Variants in LRP2 observed in about 807,000 individuals in gnomAD.
LRP2 encodes the protein LDL receptor related protein 2.
A neutral mutation model predicts 531.0 loss-of-function variants in LRP2; 172 were observed. The ratio of observed to expected loss-of-function variants is 0.32; its 90% CI spans 0.29 to 0.37. LRP2 has a LOEUF of 0.37. Ranked by LOEUF, LRP2 falls within the 10% of genes least tolerant of loss-of-function variation. The probability of loss-of-function intolerance (pLI) is 1.00; values close to 1 mark genes in which losing one functional copy is unlikely to be tolerated. For missense variants in LRP2, 5,167 were observed against 5,868.3 expected, an observed-to-expected ratio of 0.88 and a Z score of 3.90; for synonymous variants, 1,992 against 2,027.6, an observed-to-expected ratio of 0.98 and a Z score of 0.47.
chr2:169,131,014 T>C lies in LRP2; in HGVS notation c.13728+1560A>G, dbSNP rs572945000. On this transcript the variant is annotated intron_variant, in intron 77 of 78. Transcript: ENST00000649046. The stretch of plus-strand genomic sequence containing the variant: ...ATGTCTATTTAGTGAAGAAGATCAC[T>C]AGACTAGAGATGGACTGAGAAAAAA... Among the ~76,000 whole-genome samples, 44 of 152,304 alleles carry C rather than the reference T, an allele frequency of 2.9e-4. 1 individual carries two copies. The highest frequency in any genetic ancestry group is 1.4e-3 in the East Asian group (7 of 5,184).
At chr2:169,351,495 A>G (rs1484089952) in intron 1 of LRP2, among the ~76,000 whole-genome samples, 2 of 152,230 alleles carry the variant, frequency 1.3e-5, no homozygotes, top group Non-Finnish European at 2.9e-5. Flanking sequence ...ATTCTTCCAG[A>G]GTAATAGGAG....
At chr2:169,260,264 G>C (rs1188493617) in intron 16 of LRP2, among the ~76,000 whole-genome samples, 1 of 152,136 alleles carries the variant, frequency 6.6e-6, no homozygotes, top group African/African-American at 2.4e-5. Flanking sequence ...GAGATGGAGA[G>C]ATGCATAGGA....
chr2:169,134,494 T>G (rs1025591192), intron 76 of LRP2, among the ~76,000 whole-genome samples: 1 of 152,178 alleles, frequency 6.6e-6, no homozygotes, highest in African/African-American at 2.4e-5. Flanking sequence ...ATTTCCTTTT[T>G]TCCTGTTCCT....
At chr2:169,242,911 G>A in intron 24 of LRP2, 45 bp downstream of exon 24, 2 of 1,409,790 alleles carry the variant, frequency 1.4e-6, no homozygotes, top group Middle Eastern at 1.8e-4. Context: ...TGGCAAAAAT[G>A]AAATGACCCC....
chr2:169,279,805 T>C (rs1683652534), intron 11 of LRP2, among the ~76,000 whole-genome samples: 1 of 152,182 alleles, frequency 6.6e-6, no homozygotes, highest in Admixed American at 6.5e-5. Flanking sequence ...TCCATAACTC[T>C]TTAAGAGTTT....
chr2:169,157,537 C>G, intron 63 of LRP2, 35 bp from the exon 64 acceptor site: 1 of 1,609,750 alleles, frequency 6.2e-7, no homozygotes, highest in Non-Finnish European at 8.5e-7. Flanking sequence ...CAAACCAGAT[C>G]AGCCACAAAT....
chr2:169,326,353 T>C (rs1402362032), intron 1 of LRP2, among the ~76,000 whole-genome samples: 1 of 151,844 alleles, frequency 6.6e-6, no homozygotes, highest in Non-Finnish European at 1.5e-5. Flanking sequence ...GTGCCTGCGA[T>C]TGCAGGCGCG....
chr2:169,282,840 G>T, intron 10 of LRP2, 33 bp downstream of exon 10: 2 of 1,608,044 alleles, frequency 1.2e-6, no homozygotes, highest in Non-Finnish European at 1.7e-6. Flanking sequence ...TCTGTTCACT[G>T]TTCAGAGACA....
chr2:169,353,913 C>T, intron 1 of LRP2, among the ~76,000 whole-genome samples: 1 of 152,130 alleles, frequency 6.6e-6, no homozygotes, highest in East Asian at 1.9e-4. Flanking sequence ...ATCTCTTCAG[C>T]CTGGGAAGTT....
Position 169,157,381 on chromosome 2 carries a change from G to A in LRP2, c.12009C>T (p.Thr4003=). The change falls in exon 64 of 79, where the codon ACC becomes ACT. Residue 4003 remains threonine, a synonymous_variant. Coordinates refer to ENST00000649046, the MANE Select transcript of LRP2 (RefSeq NM_004525.3). ...AAAAATATACTCTACCTAGACAGGA[G>A]GTTCTGTCAAAAACATTGGTTTCGA... ...AGFETNVFDR[T]SCLDINECEQ... 1 of 1,613,232 alleles carries A rather than the reference G, an allele frequency of 6.2e-7. No individual in the cohort carries two copies. The highest frequency in any genetic ancestry group is 8.5e-7 in the Non-Finnish European group (1 of 1,179,470).
chr2:169,243,094 A>G (rs111266828), intron 23 of LRP2, 22 bp from the exon 24 acceptor site: 5 of 1,550,604 alleles, frequency 3.2e-6, no homozygotes, highest in East Asian at 2.2e-5. Context: ...AGAGAAAAGC[A>G]TTAGAAATTA....
In LRP2 at chr2:169,191,919, T is replaced by C. The variant is rs1687843222; in HGVS notation, c.8945A>G (p.Tyr2982Cys). Reference sequence around the variant, plus strand: ...CCTGGTGCAATTCTGATTCTCATCGTAGCCGTCAGTACAATCCACATCGCC... The same window carrying C: ...CCTGGTGCAATTCTGATTCTCATCGCAGCCGTCAGTACAATCCACATCGCC... ...CDGDVDCTDG[Y>C]DENQNCTRRT... The change falls in exon 48 of 79, where the codon TAC (tyrosine) becomes TGC (cysteine). Residue 2982 changes from tyrosine (Y) to cysteine (C), a missense_variant. This residue lies in a region of LRP2 where 1,129 missense variants were observed against 1,362.7 expected (regional missense o/e 0.83). Coordinates refer to ENST00000649046, the MANE Select transcript of LRP2 (RefSeq NM_004525.3). The C allele has an allele frequency of 1.2e-6, 2 of 1,614,168 alleles. No homozygotes were observed. The highest frequency in any genetic ancestry group is 1.7e-6 in the Non-Finnish European group (2 of 1,179,998).
At chr2:169,338,522 C>T (rs1685483672) in intron 1 of LRP2, among the ~76,000 whole-genome samples, 1 of 152,076 alleles carries the variant, frequency 6.6e-6, no homozygotes, top group Non-Finnish European at 1.5e-5. Context: ...TTATAGAGTG[C>T]TCATTTGGCC....
intron 62 of LRP2, among the ~76,000 whole-genome samples, chr2:169,165,420 C>T (rs1270769736): frequency 1.3e-5 from 2 of 152,174 alleles, no homozygotes; most frequent in Non-Finnish European, 2.9e-5. Flanking sequence ...ACTAATCTAT[C>T]ACTTTTCTCT....
At chr2:169,199,627 G>A (rs1376114749) in intron 44 of LRP2, among the ~76,000 whole-genome samples, 1 of 152,006 alleles carries the variant, frequency 6.6e-6, no homozygotes, top group Non-Finnish European at 1.5e-5. Flanking sequence ...AACAGCAATA[G>A]ATAAAGCTAA....
Position 169,206,933 on chromosome 2 carries a change from T to G in LRP2, c.6787A>C (p.Ile2263Leu). Residue 2263 changes from isoleucine (I) to leucine (L), a missense_variant, in exon 39 of 79, where the codon ATC becomes CTC. Coordinates refer to ENST00000649046, the MANE Select transcript of LRP2 (RefSeq NM_004525.3). ...DSLDIIARIRINGENSEVIRY... is the reference protein window; with the variant it reads ...DSLDIIARIRLNGENSEVIRY... ...ATCACTTCAGAGTTCTCTCCATTGA[T>G]ACGAATCCTTGCAATTATATCTAAA... is the stretch of plus-strand genomic sequence containing the variant. The G allele has an allele frequency of 6.2e-7, 1 of 1,614,212 alleles. No homozygotes were observed. Among genetic ancestry groups the G allele is most frequent in the Admixed American group, 1.7e-5 (1 of 60,016 alleles).
At chr2:169,155,813 C>A (rs1219601417) in intron 65 of LRP2, among the ~76,000 whole-genome samples, 2 of 152,148 alleles carry the variant, frequency 1.3e-5, no homozygotes, top group African/African-American at 4.8e-5. Flanking sequence ...GGGATATGTC[C>A]TTGATTTGCC....
At chr2:169,285,401 C>T (rs2105459047) in intron 9 of LRP2, among the ~76,000 whole-genome samples, 1 of 152,262 alleles carries the variant, frequency 6.6e-6, no homozygotes, top group African/African-American at 2.4e-5. Context: ...TAACATCCAT[C>T]AGCAGCCAGA....
chr2:169,195,236 G>A (rs62172605), intron 46 of LRP2, among the ~76,000 whole-genome samples: 4,851 of 152,252 alleles, frequency 0.032, 122 homozygotes, highest in South Asian at 0.095. Context: ...CAGGAATGAG[G>A]CTGGTCTGTA....
Sources: allele counts gnomAD v4.1 joint callset (sites outside exome capture counted in the v4.1 genomes callset), GRCh38; gene constraint gnomAD v4.1.1; regional missense constraint gnomAD v4.1.1; transcripts MANE v1.5; gene names NCBI Gene and HGNC (gene_info 2026-07-23, HGNC 2026-07-21).